Variants in MYOM3 observed in about 807,000 individuals in gnomAD.
The protein encoded by MYOM3 is myomesin-3.
A neutral mutation model predicts 191.7 loss-of-function variants in MYOM3; 155 were observed. The ratio of observed to expected loss-of-function variants is 0.81; its 90% CI spans 0.71 to 0.92. The LOEUF (loss-of-function observed/expected upper bound fraction) is 0.92, where lower values mean the gene tolerates loss of function less well. Among genes scored for constraint, MYOM3 ranks in the 40% least tolerant of loss-of-function variants. The pLI is 0.00. For missense variants in MYOM3, 1,889 were observed against 1,890.6 expected, an observed-to-expected ratio of 1.00 and a Z score of 0.02; for synonymous variants, 757 against 762.9, an observed-to-expected ratio of 0.99 and a Z score of 0.13.
At chr1:24,088,845 G>C (rs1352458295) in intron 14 of MYOM3, among the ~76,000 whole-genome samples, 2 of 152,208 alleles carry the variant, frequency 1.3e-5, no homozygotes, top group Non-Finnish European at 2.9e-5. Context: ...GGCTTTGGCT[G>C]TGGGCTGTGT....
chr1:24,060,926 G>A (rs1383553865), intron 35 of MYOM3, 134 bp downstream of exon 35: 1 of 967,606 alleles, frequency 1.0e-6, no homozygotes, highest in Non-Finnish European at 1.6e-6. Flanking sequence ...CTTCCCTGCA[G>A]CTCTGTAAGA....
intron 14 of MYOM3, 74 bp downstream of exon 14, chr1:24,089,464 G>T: frequency 6.7e-7 from 1 of 1,494,858 alleles, no homozygotes; most frequent in East Asian, 2.4e-5. Flanking sequence ...GCCTCCCCAG[G>T]GGACACTGCC....
chr1:24,085,411 T>A (rs1260505543), intron 15 of MYOM3, among the ~76,000 whole-genome samples: 1 of 152,210 alleles, frequency 6.6e-6, no homozygotes, highest in Non-Finnish European at 1.5e-5. Context: ...GATGCATGGA[T>A]GGACTGATGG....
In MYOM3 at chr1:24,092,327, G is replaced by A; in HGVS notation, c.1091-12C>T. On this transcript the variant is annotated splice_polypyrimidine_tract_variant and intron_variant, in intron 10 of 36. Coordinates refer to ENST00000374434, the MANE Select transcript of MYOM3 (RefSeq NM_152372.4). ...CTCGGCCTCGGCATCTGAAACCCGG[G>A]GGTGAGAGGGAGGCCCTTCTAGTCA... 1 of 1,352,078 alleles carries A rather than the reference G, an allele frequency of 7.4e-7. No homozygotes were observed. 83.8% of individuals were successfully genotyped at this position (1,352,078 alleles called of 1,614,324 possible).
At chr1:24,095,109 G>T in intron 8 of MYOM3, 119 bp from the exon 9 acceptor site, 1 of 1,114,018 alleles carries the variant, frequency 9.0e-7, no homozygotes, top group East Asian at 2.5e-5. Flanking sequence ...TAGGAGAAGG[G>T]GACCTGGCCT....
Position 24,094,859 on chromosome 1 carries a change from G to A in MYOM3, c.922C>T (p.Arg308Ter), listed in dbSNP as rs746800026. ...VLDAESIQWF[R>*]DGSLLRSSRR... ...CAGGACTGGGGGTCCTTACCATCTCGGAACCACTGGATGCTCTCAGCATCT... is the reference window on the plus strand; with the variant it reads ...CAGGACTGGGGGTCCTTACCATCTCAGAACCACTGGATGCTCTCAGCATCT... The change falls in exon 9 of 37, where the codon CGA becomes TGA. Residue 308 changes from arginine (R) to a stop codon, truncating the protein, a stop_gained. Coordinates refer to ENST00000374434, the MANE Select transcript of MYOM3 (RefSeq NM_152372.4). LOFTEE classifies it high-confidence loss of function. 12 of 1,611,916 alleles carry A rather than the reference G, an allele frequency of 7.4e-6. No homozygotes were observed. Among genetic ancestry groups the A allele is most frequent in the East Asian group, 2.2e-5 (1 of 44,884 alleles).
chr1:24,071,203 C>A lies in MYOM3; in HGVS notation c.3064G>T (p.Val1022Leu), dbSNP rs760648542. 1.9e-5 allele frequency: 31 copies of A among 1,613,942 alleles called. No homozygotes were observed. Among genetic ancestry groups the A allele is most frequent in the Non-Finnish European group, 2.5e-5 (30 of 1,179,980 alleles). Reference protein sequence around the residue: ...WNIDILERGEVRLWLEVEKLS... With the variant: ...WNIDILERGELRLWLEVEKLS... ...TTTTCTACTTCCAGCCAAAGCCGCA[C>A]CTCCCCTCGCTCCAGGATGTCAATG... Residue 1022 changes from valine (V) to leucine (L), a missense_variant, in exon 25 of 37, where the codon GTG (valine) becomes TTG (leucine). Coordinates refer to ENST00000374434, the MANE Select transcript of MYOM3 (RefSeq NM_152372.4).
intron 5 of MYOM3, among the ~76,000 whole-genome samples, chr1:24,100,274 C>T (rs561423506): frequency 3.4e-4 from 52 of 152,314 alleles, no homozygotes; most frequent in African/African-American, 1.3e-3. Context: ...TATGAGAACA[C>T]TCGCCTCACA....
chr1:24,091,033 A>G (rs932538384), intron 11 of MYOM3, 37 bp from the exon 12 acceptor site: 5 of 1,607,230 alleles, frequency 3.1e-6, no homozygotes, highest in Non-Finnish European at 3.4e-6. Context: ...GCCCCTGCCC[A>G]CAATGCACAC....
chr1:24,081,312 G>A lies in MYOM3; in HGVS notation c.2407+18C>T, dbSNP rs1300784625. On this transcript the variant is annotated intron_variant, in intron 19 of 36. Transcript: ENST00000374434. Reference sequence around the variant, plus strand: ...AGGGAAGGGCAGGCACTGGACTTCAGGCCTGCAGGCCTCTCACCTGGCTGG... The same window carrying A: ...AGGGAAGGGCAGGCACTGGACTTCAAGCCTGCAGGCCTCTCACCTGGCTGG... 3 of 1,612,880 alleles carry A rather than the reference G, an allele frequency of 1.9e-6. No homozygotes were observed. The African/African-American group carries it at 4.0e-5, about 21-fold the overall frequency.
chr1:24,101,553 C>G (rs1032928473), intron 5 of MYOM3, among the ~76,000 whole-genome samples: 5 of 151,964 alleles, frequency 3.3e-5, no homozygotes, highest in African/African-American at 1.2e-4. Flanking sequence ...TTAAGATCAG[C>G]CTGGGCAACA....
intron 15 of MYOM3, 117 bp from the exon 16 acceptor site, chr1:24,084,756 A>C (rs1208177212): frequency 1.1e-6 from 1 of 951,468 alleles, no homozygotes; most frequent in East Asian, 2.4e-5. Context: ...ATCAAGGTGC[A>C]TGAATTCCTG....
chr1:24,108,185 T>A, intron 2 of MYOM3, 112 bp from the exon 3 acceptor site: 1 of 1,013,390 alleles, frequency 9.9e-7, no homozygotes, highest in Non-Finnish European at 1.5e-6. Flanking sequence ...GGCAGGGCTG[T>A]GCCTCCCTCC....
chr1:24,074,939 G>C (rs1256832855), intron 22 of MYOM3, among the ~76,000 whole-genome samples: 3 of 152,072 alleles, frequency 2.0e-5, no homozygotes, highest in African/African-American at 7.2e-5. Flanking sequence ...ACAAAAATTA[G>C]CTGGGCATGG....
chr1:24,091,163 G>A (rs75979276), intron 11 of MYOM3, among the ~76,000 whole-genome samples, 167 bp from the exon 12 acceptor site: 3,307 of 152,248 alleles, frequency 0.022, 90 homozygotes, highest in African/African-American at 0.07. Flanking sequence ...TCGGGCCCCC[G>A]GGAGACCTTT....
intron 23 of MYOM3, among the ~76,000 whole-genome samples, chr1:24,073,059 G>T (rs925373013): frequency 6.6e-6 from 1 of 152,152 alleles, no homozygotes; most frequent in African/African-American, 2.4e-5. Context: ...CATCATTTTC[G>T]TGGATGGCTT....
chr1:24,091,660 C>T (rs111321113), intron 11 of MYOM3, among the ~76,000 whole-genome samples: 1 of 152,152 alleles, frequency 6.6e-6, no homozygotes. Context: ...AGAGACGGGT[C>T]ATTGGAAGGA....
intron 5 of MYOM3, among the ~76,000 whole-genome samples, chr1:24,102,613 T>C (rs1208972918): frequency 4.6e-5 from 7 of 151,968 alleles, no homozygotes; most frequent in Non-Finnish European, 8.8e-5. Context: ...TTTGGGAGAC[T>C]GAGATGGGAG....
rs1643870336 is a variant in MYOM3 at position 24,094,931 on chromosome 1, C to G, written c.850G>C (p.Glu284Gln). Reference protein sequence around the residue: ...TSVLKPVFAREKEPFSLSCLF... With the variant: ...TSVLKPVFARQKEPFSLSCLF... Reference sequence around the variant, plus strand: ...CATGACAGGGAGAAGGGTTCCTTCTCACGAGCAAAGACTGGCTTCAGCACC... The same window carrying G: ...CATGACAGGGAGAAGGGTTCCTTCTGACGAGCAAAGACTGGCTTCAGCACC... The change falls in exon 9 of 37, where the codon GAG becomes CAG. Residue 284 changes from glutamate to glutamine, a missense_variant. By Grantham distance (29) the Glu-to-Gln change is conservative. Coordinates refer to ENST00000374434, the MANE Select transcript of MYOM3 (RefSeq NM_152372.4). 3 of 1,614,146 alleles carry G rather than the reference C, an allele frequency of 1.9e-6. No homozygotes were observed. Among genetic ancestry groups the G allele is most frequent in the African/African-American group, 1.3e-5 (1 of 75,044 alleles).
Sources: gnomAD v4.1 joint callset for allele counts (sites outside exome capture counted in the v4.1 genomes callset) on GRCh38, gnomAD v4.1.1 for gene constraint, MANE v1.5 for transcripts, NCBI Gene and HGNC (gene_info 2026-07-23, HGNC 2026-07-21) for gene names.